Variants in TANC2 observed in about 807,000 individuals in gnomAD.
TANC2 encodes the protein protein TANC2.
In TANC2, 26 loss-of-function variants were observed where a neutral mutation model predicts 210.5. That is an observed-to-expected ratio of 0.12 (90% CI 0.09 to 0.17). The LOEUF is 0.17. Ranked by LOEUF, TANC2 falls within the 10% of genes least tolerant of loss-of-function variation. TANC2 has a pLI of 1.00. For synonymous variants in TANC2, 931 were observed against 967.1 expected (o/e 0.96, Z 0.69); for missense variants, 2,129 against 2,608.9 (o/e 0.82, Z 4.01).
At chr17:63,145,159 G>A (rs116389092) in intron 4 of TANC2, among the ~76,000 whole-genome samples, 1,949 of 152,120 alleles carry the variant, frequency 0.013, 32 homozygotes, top group African/African-American at 0.044. Context: ...TTATGTCACC[G>A]TTGAAGCACA....
intron 3 of TANC2, among the ~76,000 whole-genome samples, chr17:63,089,463 G>A (rs2037100030): frequency 6.6e-6 from 1 of 152,210 alleles, no homozygotes; most frequent in South Asian, 2.1e-4. Flanking sequence ...GATGAAGTCA[G>A]AGAAGTTGGA....
chr17:63,065,818 G>T (rs192540281), intron 2 of TANC2, among the ~76,000 whole-genome samples: 1 of 152,122 alleles, frequency 6.6e-6, no homozygotes, highest in African/African-American at 2.4e-5. Context: ...TGTATGGTTT[G>T]CAAATATTTT....
chr17:63,176,899 T>C (rs1050184922), intron 5 of TANC2, among the ~76,000 whole-genome samples: 1 of 151,864 alleles, frequency 6.6e-6, no homozygotes, highest in Non-Finnish European at 1.5e-5. Context: ...CATACAGACT[T>C]CCAGAGAGTA....
chr17:63,262,882 C>A (rs1476905519), intron 8 of TANC2, among the ~76,000 whole-genome samples: 1 of 152,136 alleles, frequency 6.6e-6, no homozygotes, highest in Non-Finnish European at 1.5e-5. Context: ...GATACCTCTT[C>A]TGGGTAGTTT....
Position 63,405,369 on chromosome 17 carries a change from A to G in TANC2, c.3465+114A>G, listed in dbSNP as rs2048470409. 3 of 1,216,660 alleles carry G rather than the reference A, an allele frequency of 2.5e-6. No homozygotes were observed. The African/African-American group carries it at 4.5e-5, about 18-fold the overall frequency. 75.4% of individuals were successfully genotyped at this position (1,216,660 alleles called of 1,614,324 possible). ...AAGTTTGGGTTACCCAGCAGTGATC[A>G]GGTTTGAGGACTTGGACCTTTGTTA... On this transcript the variant is annotated intron_variant, in intron 20 of 27. Coordinates refer to ENST00000689528, the Ensembl canonical transcript of TANC2.
At chr17:63,203,688 A>G (rs1402975238) in intron 7 of TANC2, among the ~76,000 whole-genome samples, 2 of 152,226 alleles carry the variant, frequency 1.3e-5, no homozygotes, top group Non-Finnish European at 2.9e-5. Context: ...TAATCTAAAG[A>G]AGGCAAATCC....
chr17:63,148,863 C>T (rs1011511648), intron 4 of TANC2: 2 of 152,122 alleles, frequency 1.3e-5, no homozygotes, highest in African/African-American at 4.8e-5. Context: ...CTCCACCAAG[C>T]AATATTATGA....
At chr17:63,223,918 T>TACCTA (rs1446213462) in intron 7 of TANC2, among the ~76,000 whole-genome samples, 1 of 152,150 alleles carries the variant, frequency 6.6e-6, no homozygotes, top group Admixed American at 6.5e-5. Context: ...CAAGCACACA[T>TACCTA]ACATAGTTAA....
chr17:63,013,762 TAAAAAAA>T lies in TANC2; in HGVS notation c.67+4155_67+4161del, dbSNP rs34126221. Among the ~76,000 whole-genome samples, 35 of 101,764 alleles carry T rather than the reference TAAAAAAA, an allele frequency of 3.4e-4. 1 individual carries two copies. The Admixed American group carries it at 3.6e-3, about 10-fold the overall frequency. 66.8% of individuals were successfully genotyped at this position (101,764 alleles called of 152,430 possible). A position where few individuals can be genotyped will look rare whatever the true frequency, so the allele number is the denominator to read the frequency against. ...GGGCGACAGAGTGAGACCCTGTCTT[TAAAAAAA>T]AAAAAAAAAAAAAAAAAATCTTTAT... On this transcript the variant is annotated intron_variant, in intron 2 of 27. Transcript: ENST00000689528.
intron 2 of TANC2, among the ~76,000 whole-genome samples, chr17:63,025,352 T>C (rs2034505885): frequency 6.6e-6 from 1 of 152,086 alleles, no homozygotes; most frequent in Non-Finnish European, 1.5e-5. Flanking sequence ...TGTCTTCCGG[T>C]TGTGGACGCC....
At chr17:63,410,335 A>C (rs74953722) in intron 21 of TANC2, among the ~76,000 whole-genome samples, 4 of 127,804 alleles carry the variant, frequency 3.1e-5, no homozygotes, top group South Asian at 2.5e-4. Context: ...ACATCTCTCC[A>C]ATCCCCCCCC....
intron 2 of TANC2, among the ~76,000 whole-genome samples, chr17:63,022,790 C>T (rs2034403725): frequency 6.6e-6 from 1 of 152,120 alleles, no homozygotes; most frequent in Non-Finnish European, 1.5e-5. Flanking sequence ...CCAGTGTGGT[C>T]CTGCTTGGCT....
chr17:63,064,357 G>T (rs1357997509), intron 2 of TANC2, among the ~76,000 whole-genome samples: 1 of 152,124 alleles, frequency 6.6e-6, no homozygotes, highest in Non-Finnish European at 1.5e-5. Flanking sequence ...TACTCAGGAG[G>T]CTGAGATGAG....
At chr17:63,275,985 A>T (rs9913301) in intron 9 of TANC2, among the ~76,000 whole-genome samples, 4,266 of 152,194 alleles carry the variant, frequency 0.028, 64 homozygotes, top group South Asian at 0.038. Context: ...TTCCCAATTA[A>T]TCTTATTATT....
chr17:63,139,601 T>C lies in TANC2; in HGVS notation c.323-11669T>C, dbSNP rs371991602. Among the ~76,000 whole-genome samples the C allele has an allele frequency of 2.4e-4, 37 of 152,088 alleles. No individual in the cohort carries two copies. In the South Asian group the frequency reaches 5.8e-3, roughly 24 times the overall value. ...AGCCTGGGCAACAAGAGCGAGACTGTGTATGATGAAATAGAGTTTGGCCAC... is the reference window on the plus strand; with the variant it reads ...AGCCTGGGCAACAAGAGCGAGACTGCGTATGATGAAATAGAGTTTGGCCAC... On this transcript the variant is annotated intron_variant, in intron 4 of 27. Transcript: ENST00000689528.
intron 5 of TANC2, among the ~76,000 whole-genome samples, chr17:63,160,446 T>A (rs550888465): frequency 1.8e-3 from 278 of 152,364 alleles, no homozygotes; most frequent in Non-Finnish European, 2.9e-3. Context: ...ATTGACTTTT[T>A]AAAATTACGT....
At chr17:63,284,963 G>A (rs2044176804) in intron 9 of TANC2, among the ~76,000 whole-genome samples, 1 of 151,218 alleles carries the variant, frequency 6.6e-6, no homozygotes, top group Admixed American at 6.6e-5. Flanking sequence ...CTGACCCAGT[G>A]ATCATTAGGG....
intron 11 of TANC2, among the ~76,000 whole-genome samples, chr17:63,337,032 A>C (rs1421222241): frequency 6.6e-6 from 1 of 152,204 alleles, no homozygotes; most frequent in Non-Finnish European, 1.5e-5. Context: ...ATACAGAGGG[A>C]AAGTTATACG....
chr17:63,376,906 C>T (rs2047442898), intron 14 of TANC2, among the ~76,000 whole-genome samples: 1 of 151,698 alleles, frequency 6.6e-6, no homozygotes, highest in African/African-American at 2.4e-5. Context: ...CAAGCTCCGC[C>T]TCCCAGGTTC....
Sources: allele counts gnomAD v4.1 joint callset (sites outside exome capture counted in the v4.1 genomes callset), GRCh38; gene constraint gnomAD v4.1.1; transcripts MANE v1.5; gene names NCBI Gene and HGNC (gene_info 2026-07-23, HGNC 2026-07-21).